URB1: variants seen among roughly 807,000 people sequenced by gnomAD.
URB1 encodes the protein nucleolar pre-ribosomal-associated protein 1.
A neutral mutation model predicts 242.3 loss-of-function variants in URB1; 197 were observed. The observed-to-expected ratio is 0.81, with a 90% CI of 0.72 to 0.91. The LOEUF is 0.91. Ranked by LOEUF, URB1 falls within the 40% of genes least tolerant of loss-of-function variation. The probability of loss-of-function intolerance (pLI) is 0.00; values close to 1 mark genes in which losing one functional copy is unlikely to be tolerated. For missense variants in URB1, 2,721 were observed against 2,860.5 expected (o/e 0.95, Z 1.11); for synonymous variants, 1,153 against 1,201.8 (o/e 0.96, Z 0.84).
At chr21:32,389,997 T>C (rs1472279936) in intron 1 of URB1, among the ~76,000 whole-genome samples, 1 of 152,194 alleles carries the variant, frequency 6.6e-6, no homozygotes, top group East Asian at 1.9e-4. Context: ...TTCACTTCCC[T>C]GATCTTCCAG....
chr21:32,317,116 C>T, intron 37 of URB1, 51 bp from the exon 38 acceptor site: 1 of 1,465,786 alleles, frequency 6.8e-7, no homozygotes, highest in Non-Finnish European at 9.0e-7. Flanking sequence ...CTCCTGCCCA[C>T]ACAGATCCAG....
chr21:32,358,589 T>C (rs1220974317), intron 14 of URB1, among the ~76,000 whole-genome samples: 1 of 152,148 alleles, frequency 6.6e-6, no homozygotes, highest in Non-Finnish European at 1.5e-5. Flanking sequence ...GGTGAGGTGC[T>C]GGTTAGCTTA....
At chr21:32,327,081 A>G (rs1403760839) in intron 30 of URB1, among the ~76,000 whole-genome samples, 1 of 152,142 alleles carries the variant, frequency 6.6e-6, no homozygotes, top group African/African-American at 2.4e-5. Context: ...AAAACTATAA[A>G]CCTAGACAGC....
chr21:32,380,019 T>G lies in URB1; in HGVS notation c.568-1478A>C, dbSNP rs1601157317. Among the ~76,000 whole-genome samples the G allele has an allele frequency of 2.0e-5, 3 of 152,086 alleles. No individual in the cohort carries two copies. The East Asian group carries it at 5.8e-4, about 29-fold the overall frequency. On this transcript the variant is annotated intron_variant, in intron 4 of 38. Coordinates refer to ENST00000382751, the MANE Select transcript of URB1 (RefSeq NM_014825.3). ...TTTCACTCGAGGTCACACAGCTAATTAAGTACCAGAACTGAGATAAGAAGT... is the reference window on the plus strand; with the variant it reads ...TTTCACTCGAGGTCACACAGCTAATGAAGTACCAGAACTGAGATAAGAAGT...
intron 15 of URB1, among the ~76,000 whole-genome samples, chr21:32,356,477 A>G (rs1481304080): frequency 6.6e-6 from 1 of 152,170 alleles, no homozygotes; most frequent in East Asian, 1.9e-4. Context: ...AAGGGAAAAA[A>G]TTTGGCTGCT....
chr21:32,352,239 C>G (rs529279755), intron 19 of URB1, among the ~76,000 whole-genome samples: 1 of 152,222 alleles, frequency 6.6e-6, no homozygotes, highest in South Asian at 2.1e-4. Flanking sequence ...GAATGTAGTC[C>G]CCAGCAAAAG....
At chr21:32,365,034 C>G (rs1398349096) in intron 10 of URB1, among the ~76,000 whole-genome samples, 1 of 152,252 alleles carries the variant, frequency 6.6e-6, no homozygotes, top group East Asian at 1.9e-4. Context: ...TAGTACACCC[C>G]TCTAGGGGCA....
intron 10 of URB1, 52 bp downstream of exon 10, chr21:32,366,566 A>G (rs2033348985): frequency 1.3e-6 from 2 of 1,547,582 alleles, no homozygotes; most frequent in Middle Eastern, 3.5e-4. Flanking sequence ...TCATGTAGCC[A>G]GCGAGTTTAG....
chr21:32,344,812 T>A, intron 23 of URB1, 56 bp from the exon 24 acceptor site: 1 of 1,505,878 alleles, frequency 6.6e-7, no homozygotes, highest in Non-Finnish European at 8.9e-7. Context: ...CTTCTGACTT[T>A]ACGTATAATC....
chr21:32,385,437 T>A (rs954191403), intron 2 of URB1, 108 bp downstream of exon 2: 6 of 1,431,298 alleles, frequency 4.2e-6, no homozygotes, highest in Non-Finnish European at 4.6e-6. Flanking sequence ...AAGCATCATT[T>A]TCTATAGAAA....
At chr21:32,342,904 G>GT (rs1260715906) in intron 24 of URB1, among the ~76,000 whole-genome samples, 3 of 152,090 alleles carry the variant, frequency 2.0e-5, no homozygotes, top group African/African-American at 7.2e-5. Context: ...CACAGCTCCA[G>GT]TATCATACAA....
chr21:32,330,921 G>C (rs1313224801), intron 30 of URB1, among the ~76,000 whole-genome samples: 3 of 152,226 alleles, frequency 2.0e-5, no homozygotes, highest in African/African-American at 7.2e-5. Flanking sequence ...AAGGCCTATT[G>C]ATGGGAAGAT....
Position 32,385,627 on chromosome 21 carries a change from A to G in URB1, c.200T>C (p.Val67Ala), listed in dbSNP as rs1316350308. Residue 67 changes from valine (V) to alanine (A), a missense_variant, in exon 2 of 39, where the codon GTT becomes GCT. Transcript: ENST00000382751. ...AGAAATCTTTATATACCCTTCCACA[A>G]CATCATACACATCTTCTCGTGGTAG... The part of the protein sequence containing the change: ...KKLPREDVYD[V>A]VEGYIKISVE... 1 of 1,551,642 alleles carries G rather than the reference A, an allele frequency of 6.4e-7. No homozygotes were observed.
Position 32,347,637 on chromosome 21 carries a change from G to A in URB1, c.3187C>T (p.Leu1063Phe). 6.4e-7 allele frequency: 1 copy of A among 1,551,700 alleles called. No individual in the cohort carries two copies. The highest frequency in any genetic ancestry group is 8.7e-7 in the Non-Finnish European group (1 of 1,147,008). The change falls in exon 22 of 39, where the codon CTC (leucine) becomes TTC (phenylalanine). Residue 1063 changes from leucine (L) to phenylalanine (F), a missense_variant. Physicochemically the swap from Leu to Phe is conservative, Grantham distance 22. Coordinates refer to ENST00000382751, the MANE Select transcript of URB1 (RefSeq NM_014825.3). Reference protein sequence around the residue: ...LQLLAASAPILQNIGQLGLLA... With the variant: ...LQLLAASAPIFQNIGQLGLLA... ...AGGCCCAGCTGCCCAATGTTCTGGA[G>A]GATCGGGGCACTTGCTGCCAGCAGC... is the stretch of plus-strand genomic sequence containing the variant.
chr21:32,392,892 T>A lies in URB1; in HGVS notation c.19A>T (p.Lys7Ter). MGVPKR[K>*]ASGGQDGAAS... ...GCGCCGTCCTGGCCGCCCGAGGCCT[T>A]CCTCTTGGGGACCCCCATGGCCGAG... is the stretch of plus-strand genomic sequence containing the variant. The change falls in exon 1 of 39, where the codon AAG becomes TAG. Residue 7 changes from lysine (K) to a stop codon, truncating the protein, a stop_gained. Transcript: ENST00000382751. LOFTEE classifies it high-confidence loss of function. The A allele has an allele frequency of 6.6e-7, 1 of 1,526,530 alleles. No individual in the cohort carries two copies. The highest frequency in any genetic ancestry group is 8.8e-7 in the Non-Finnish European group (1 of 1,141,866). The allele number at this position is 1,526,530 out of a possible 1,614,324, so 94.6% of individuals were successfully genotyped here.
intron 28 of URB1, among the ~76,000 whole-genome samples, chr21:32,336,078 C>T (rs1030984399): frequency 6.6e-6 from 1 of 152,178 alleles, no homozygotes; most frequent in Middle Eastern, 3.2e-3. Flanking sequence ...GGCTATTCTA[C>T]TCCAGAAAGG....
intron 34 of URB1, among the ~76,000 whole-genome samples, 200 bp from the exon 35 acceptor site, chr21:32,320,840 C>G (rs1389922868): frequency 1.3e-5 from 2 of 152,212 alleles, no homozygotes; most frequent in African/African-American, 4.8e-5. Context: ...ACACAGACTT[C>G]CACAGCAATC....
At position 32,363,311 on chromosome 21, in the gene URB1, T is replaced by G; in HGVS notation, c.1354A>C (p.Arg452=). Residue 452 remains arginine (R), a synonymous_variant, in exon 11 of 39, where the codon AGG becomes CGG. Transcript: ENST00000382751. Reference sequence around the variant, plus strand: ...GAAATAAGGGATAAGGCTGTGTGCCTCACTGAGGTGCTGTCCAACTGGGAA... The same window carrying G: ...GAAATAAGGGATAAGGCTGTGTGCCGCACTGAGGTGCTGTCCAACTGGGAA... The part of the protein sequence containing the change: ...QALNLDSTSV[R]HTALSLISVI... The G allele has an allele frequency of 6.4e-7, 1 of 1,551,588 alleles. No individual in the cohort carries two copies. Among genetic ancestry groups the G allele is most frequent in the Non-Finnish European group, 8.7e-7 (1 of 1,147,020 alleles).
chr21:32,337,504 C>T lies in URB1; in HGVS notation c.4521G>A (p.Val1507=), dbSNP rs910982320. 13 of 1,551,588 alleles carry T rather than the reference C, an allele frequency of 8.4e-6. 1 individual carries two copies. In the South Asian group the frequency reaches 1.3e-4, roughly 16 times the overall value. Residue 1507 remains valine, a synonymous_variant, in exon 27 of 39, where the codon GTG becomes GTA. Transcript: ENST00000382751. ...TCTCCACCACCGTCAGCATCAGGTC[C>T]ACCAGCGCTTCTGCAAGAAAACAAC... The part of the protein sequence containing the change: ...SPDSQVKEAL[V]DLMLTVVEMC...
Sources: allele counts gnomAD v4.1 joint callset (sites outside exome capture counted in the v4.1 genomes callset), GRCh38; gene constraint gnomAD v4.1.1; transcripts MANE v1.5; gene names NCBI Gene and HGNC (gene_info 2026-07-23, HGNC 2026-07-21).